TEAD4: variants seen among roughly 807,000 people sequenced by gnomAD.
TEAD4 encodes the protein TEA domain transcription factor 4, also known as transcriptional enhancer factor TEF-3.
Under a neutral mutation model 52.4 loss-of-function variants are expected in TEAD4, and 36 were observed. That is an observed-to-expected ratio of 0.69 (90% confidence interval 0.53 to 0.91). The LOEUF (loss-of-function observed/expected upper bound fraction) is 0.91, where lower values mean the gene tolerates loss of function less well. TEAD4 is among the 40% of genes least tolerant of loss of function. The pLI, the probability that TEAD4 is intolerant of heterozygous loss-of-function variation, is 0.00. For missense variants in TEAD4, 508 were observed against 583.9 expected, an observed-to-expected ratio of 0.87 and a Z score of 1.34; for synonymous variants, 220 against 231.0, an observed-to-expected ratio of 0.95 and a Z score of 0.43.
chr12:2,993,387 A>G (rs76563210), intron 2 of TEAD4, among the ~76,000 whole-genome samples: 1,605 of 152,218 alleles, frequency 0.011, 15 homozygotes, highest in Middle Eastern at 0.02. Context: ...CTGGACTCAA[A>G]TGATCCTCCT....
At chr12:3,004,218 G>A (rs1279148721) in intron 3 of TEAD4, among the ~76,000 whole-genome samples, 1 of 152,236 alleles carries the variant, frequency 6.6e-6, no homozygotes, top group Non-Finnish European at 1.5e-5. Context: ...CAAAGGGAAG[G>A]AGCAGCATCG....
intron 10 of TEAD4, among the ~76,000 whole-genome samples, chr12:3,023,987 A>G (rs1359396686): frequency 1.3e-5 from 2 of 152,118 alleles, no homozygotes; most frequent in South Asian, 4.1e-4. Context: ...TCATTATGGT[A>G]GAAAAAATTA....
At chr12:2,975,737 G>A (rs1355481428) in intron 2 of TEAD4, among the ~76,000 whole-genome samples, 1 of 151,996 alleles carries the variant, frequency 6.6e-6, no homozygotes, top group Admixed American at 6.6e-5. Flanking sequence ...TCTTGGTGTT[G>A]TCCACTCTGG....
intron 3 of TEAD4, among the ~76,000 whole-genome samples, chr12:3,004,867 AC>A (rs2098254597): frequency 6.6e-6 from 1 of 151,876 alleles, no homozygotes; most frequent in South Asian, 2.1e-4. Context: ...CCTCTAGAGC[AC>A]CCCTGGTGGC....
chr12:3,013,119 T>G (rs2153956780), intron 5 of TEAD4, among the ~76,000 whole-genome samples: 1 of 152,136 alleles, frequency 6.6e-6, no homozygotes, highest in South Asian at 2.1e-4. Flanking sequence ...ACGGCCATTT[T>G]TTTCTATTTT....
chr12:2,970,802 C>T (rs1035931711), intron 2 of TEAD4, among the ~76,000 whole-genome samples: 32 of 152,304 alleles, frequency 2.1e-4, no homozygotes, highest in African/African-American at 7.2e-4. Flanking sequence ...TGAACTGTGC[C>T]GGGTGGCATG....
At chr12:3,017,875 C>G (rs2098265737) in intron 6 of TEAD4, among the ~76,000 whole-genome samples, 1 of 152,186 alleles carries the variant, frequency 6.6e-6, no homozygotes, top group African/African-American at 2.4e-5. Flanking sequence ...CCAGCATGTA[C>G]CTGGGCAGCT....
At chr12:2,989,060 A>G (rs531598331) in intron 2 of TEAD4, among the ~76,000 whole-genome samples, 15 of 152,140 alleles carry the variant, frequency 9.9e-5, no homozygotes, top group Non-Finnish European at 1.9e-4. Context: ...AACCCCACCT[A>G]TAGCTGGTGG....
intron 3 of TEAD4, among the ~76,000 whole-genome samples, chr12:3,002,641 C>G (rs1479639987): frequency 6.6e-6 from 1 of 152,186 alleles, no homozygotes; most frequent in Non-Finnish European, 1.5e-5. Context: ...TGGAATAAGA[C>G]ATTGCCTTCT....
rs931775451 is a variant in TEAD4 at position 2,995,878 on chromosome 12, C to T, written c.226+886C>T. On this transcript the variant is annotated intron_variant, in intron 3 of 12. Transcript: ENST00000359864. ...AAAAAATTACCCAGGTTTGGTGGTG[C>T]CAGCCTGCAGTCCCAGCTACTGGGG... is the stretch of plus-strand genomic sequence containing the variant. Among the ~76,000 whole-genome samples the T allele has an allele frequency of 1.6e-4, 25 of 152,086 alleles. No homozygotes were observed. The South Asian group carries it at 2.3e-3, about 14-fold the overall frequency.
chr12:3,000,910 G>A (rs2098251251), intron 3 of TEAD4, among the ~76,000 whole-genome samples: 1 of 152,224 alleles, frequency 6.6e-6, no homozygotes, highest in South Asian at 2.1e-4. Flanking sequence ...AAGGTGATGG[G>A]ACAGAGGTCA....
At chr12:3,030,885 G>A (rs1450397613) in intron 10 of TEAD4, among the ~76,000 whole-genome samples, 3 of 152,166 alleles carry the variant, frequency 2.0e-5, no homozygotes, top group Non-Finnish European at 4.4e-5. Flanking sequence ...TAAGCGATGA[G>A]GAGTCATTTA....
chr12:3,033,003 A>G (rs528848574), intron 10 of TEAD4, among the ~76,000 whole-genome samples: 121 of 152,310 alleles, frequency 7.9e-4, no homozygotes, highest in African/African-American at 2.7e-3. Flanking sequence ...GAACTTGGCC[A>G]CACACAGTTA....
At chr12:2,985,244 T>G (rs1398801519) in intron 2 of TEAD4, among the ~76,000 whole-genome samples, 1 of 151,424 alleles carries the variant, frequency 6.6e-6, no homozygotes, top group Non-Finnish European at 1.5e-5. Flanking sequence ...AACTAGCCAG[T>G]CGTGGTGGCA....
intron 11 of TEAD4, among the ~76,000 whole-genome samples, 186 bp downstream of exon 11, chr12:3,038,294 C>T (rs562396917): frequency 6.6e-6 from 1 of 152,230 alleles, no homozygotes; most frequent in African/African-American, 2.4e-5. Flanking sequence ...TCCTGCCCAG[C>T]TAACCAGAGC....
chr12:2,980,254 G>T (rs1315507647), intron 2 of TEAD4, among the ~76,000 whole-genome samples: 6 of 152,114 alleles, frequency 3.9e-5, no homozygotes, highest in Admixed American at 3.3e-4. Flanking sequence ...TTCACTGGAG[G>T]CCGTAGGAAC....
chr12:2,986,656 T>A (rs2335342), intron 2 of TEAD4, among the ~76,000 whole-genome samples: 109,007 of 146,220 alleles, frequency 0.75, 43,023 homozygotes, highest in East Asian at 0.96. Context: ...TAAAAAAAAA[T>A]AAATAAATAA....
Position 2,959,622 on chromosome 12 carries a change from C to T in TEAD4, c.-123+141C>T, listed in dbSNP as rs570030388. On this transcript the variant is annotated intron_variant, in intron 1 of 12. Transcript: ENST00000359864. This position sits in a 1 kb window ranked among gnomAD's most constrained non-coding sequence, Gnocchi z 5.1. ...CGCGTTCCCGCCTTGGACCTCTGCG[C>T]TCCGACGCGCTCCGTCCCGACCTCT... is the stretch of plus-strand genomic sequence containing the variant. The T allele has an allele frequency of 2.0e-4, 31 of 151,318 alleles. No homozygotes were observed. Among genetic ancestry groups the T allele is most frequent in the African/African-American group, 7.0e-4 (29 of 41,434 alleles). The allele number at this position is 151,318 out of a possible 1,614,324, so 9.4% of individuals were successfully genotyped here. A position where few individuals can be genotyped will look rare whatever the true frequency, so the allele number is the denominator to read the frequency against.
intron 3 of TEAD4, among the ~76,000 whole-genome samples, chr12:3,006,492 G>A (rs1289665534): frequency 6.6e-6 from 1 of 152,086 alleles, no homozygotes; most frequent in African/African-American, 2.4e-5. Context: ...TTGGGAGTTC[G>A]AGACCAGCCT....
Sources: gnomAD v4.1 joint callset for allele counts (sites outside exome capture counted in the v4.1 genomes callset) on GRCh38, gnomAD v4.1.1 for gene constraint, Gnocchi (gnomAD v3.1) non-coding constraint, MANE v1.5 for transcripts, NCBI Gene and HGNC (gene_info 2026-07-23, HGNC 2026-07-21) for gene names.